ZNF850: variants seen among roughly 807,000 people sequenced by gnomAD.
The protein encoded by ZNF850 is zinc finger protein 850.
Under a neutral mutation model 11.9 loss-of-function variants are expected in ZNF850, and 2 were observed. That is an observed-to-expected ratio of 0.17 (90% CI 0.07 to 0.53). ZNF850 has a LOEUF of 0.53. ZNF850 is among the 20% of genes least tolerant of loss of function. The probability of loss-of-function intolerance (pLI) is 0.94; values close to 1 mark genes in which losing one functional copy is unlikely to be tolerated. For synonymous variants in ZNF850, 381 were observed against 443.0 expected, an observed-to-expected ratio of 0.86 and a Z score of 1.76; for missense variants, 1,014 against 1,316.4, an observed-to-expected ratio of 0.77 and a Z score of 3.55.
intron 1 of ZNF850, among the ~76,000 whole-genome samples, chr19:36,762,969 C>T (rs1360681753): frequency 6.6e-6 from 1 of 151,966 alleles, no homozygotes; most frequent in African/African-American, 2.4e-5. Context: ...CAGCTCACTG[C>T]AGCCTCAACC....
chr19:36,746,128 C>G lies in ZNF850; in HGVS notation c.*1639G>C, dbSNP rs866077446. 8 of 152,216 alleles carry G rather than the reference C, an allele frequency of 5.3e-5. No homozygotes were observed. The highest frequency in any genetic ancestry group is 4.6e-4 in the Admixed American group (7 of 15,278). The allele number at this position is 152,216 out of a possible 1,614,324, so 9.4% of individuals were successfully genotyped here. A position where few individuals can be genotyped will look rare whatever the true frequency, so the allele number is the denominator to read the frequency against. ...TTCAAGAAGAAGTTGCTCTGGTTTACACGCCTCTGACGTAACCATGCAGTG... is the reference window on the plus strand; with the variant it reads ...TTCAAGAAGAAGTTGCTCTGGTTTAGACGCCTCTGACGTAACCATGCAGTG... On this transcript the variant is annotated 3_prime_UTR_variant, in exon 5 of 5. Coordinates refer to ENST00000591344, the MANE Select transcript of ZNF850 (RefSeq NM_001193552.2).
At chr19:36,755,618 T>C (rs2040481154) in intron 4 of ZNF850, among the ~76,000 whole-genome samples, 1 of 151,576 alleles carries the variant, frequency 6.6e-6, no homozygotes, top group Admixed American at 6.6e-5. Flanking sequence ...AAAACCTCTG[T>C]GGACGAAATC....
intron 4 of ZNF850, among the ~76,000 whole-genome samples, chr19:36,754,827 T>C (rs965381989): frequency 1.3e-5 from 2 of 152,084 alleles, no homozygotes. Context: ...AGTGCTGGGA[T>C]TACAGGCGTG....
chr19:36,755,348 A>G (rs1273816203), intron 4 of ZNF850, among the ~76,000 whole-genome samples: 1 of 151,942 alleles, frequency 6.6e-6, no homozygotes, highest in Non-Finnish European at 1.5e-5. Context: ...TGCCTCAGCC[A>G]TTTGAGTAGC....
chr19:36,766,310 G>A (rs978476036), intron 1 of ZNF850, among the ~76,000 whole-genome samples: 2 of 152,122 alleles, frequency 1.3e-5, no homozygotes, highest in African/African-American at 4.8e-5. Flanking sequence ...TAATGGGAAA[G>A]ATATGCAATA....
At position 36,745,653 on chromosome 19, in the gene ZNF850, G is replaced by T; in HGVS notation, c.*2114C>A. ...AGATCGTGCCATTGCACTCCAGCCTGGGCAACAAGAGCAAAACTCCATCTC... is the reference window on the plus strand; with the variant it reads ...AGATCGTGCCATTGCACTCCAGCCTTGGCAACAAGAGCAAAACTCCATCTC... On this transcript the variant is annotated 3_prime_UTR_variant, in exon 5 of 5. Transcript: ENST00000591344. The T allele has an allele frequency of 6.7e-6, 1 of 150,150 alleles. No homozygotes were observed. Among genetic ancestry groups the T allele is most frequent in the Non-Finnish European group, 1.5e-5 (1 of 68,120 alleles). 9.3% of individuals were successfully genotyped at this position (150,150 alleles called of 1,614,324 possible).
intron 1 of ZNF850, among the ~76,000 whole-genome samples, chr19:36,766,267 G>A (rs981421901): frequency 9.9e-5 from 15 of 151,934 alleles, no homozygotes; most frequent in African/African-American, 3.1e-4. Context: ...TGAAACAAAT[G>A]TCTTGTTGGT....
In ZNF850 at chr19:36,748,733, G is replaced by C; in HGVS notation, c.2307C>G (p.His769Gln). The C allele has an allele frequency of 6.5e-7, 1 of 1,541,666 alleles. No individual in the cohort carries two copies. The highest frequency in any genetic ancestry group is 8.7e-7 in the Non-Finnish European group (1 of 1,148,604). Reference sequence around the variant, plus strand: ...TTTGCTGATGTTGAATTAGTGTTGAGTGAGAAGTAAAAGATTTCCCACATT... The same window carrying C: ...TTTGCTGATGTTGAATTAGTGTTGACTGAGAAGTAAAAGATTTCCCACATT... ...CKECGKSFTS[H>Q]STLIQHQQIH... The change falls in exon 5 of 5, where the codon CAC becomes CAG. Residue 769 changes from histidine (H) to glutamine (Q), a missense_variant. This residue lies in a region of ZNF850 where 835 missense variants were observed against 1,022.0 expected (regional missense o/e 0.82). Coordinates refer to ENST00000591344, the MANE Select transcript of ZNF850 (RefSeq NM_001193552.2).
chr19:36,763,309 G>A (rs1459426771), intron 1 of ZNF850, among the ~76,000 whole-genome samples: 1 of 152,186 alleles, frequency 6.6e-6, no homozygotes, highest in African/African-American at 2.4e-5. Context: ...GGGAGGCCAA[G>A]GCGGATGGAT....
In ZNF850 at chr19:36,772,801, T is replaced by C. The variant is rs1235701391; in HGVS notation, c.-146A>G. 2.0e-5 allele frequency: 3 copies of C among 152,270 alleles called. No individual in the cohort carries two copies. Among genetic ancestry groups the C allele is most frequent in the African/African-American group, 7.2e-5 (3 of 41,424 alleles). 9.4% of individuals were successfully genotyped at this position (152,270 alleles called of 1,614,324 possible). The stretch of plus-strand genomic sequence containing the variant: ...ACTCCAAGGCGCGGCGGCAGCTAAA[T>C]CGGCACAGCAAACGGTCCCGCCACC... On this transcript the variant is annotated 5_prime_UTR_variant, in exon 1 of 5. Coordinates refer to ENST00000591344, the MANE Select transcript of ZNF850 (RefSeq NM_001193552.2).
intron 4 of ZNF850, among the ~76,000 whole-genome samples, chr19:36,754,015 T>G (rs1193541224): frequency 6.6e-6 from 1 of 151,510 alleles, no homozygotes; most frequent in Non-Finnish European, 1.5e-5. Flanking sequence ...TTAAAAAAAT[T>G]CAAACAGGCC....
intron 4 of ZNF850, among the ~76,000 whole-genome samples, chr19:36,759,314 A>C (rs1050621713): frequency 4.0e-5 from 6 of 151,880 alleles, no homozygotes; most frequent in Non-Finnish European, 7.4e-5. Flanking sequence ...TCTCTACAAA[A>C]AAAATTAGAA....
rs2040405046 is a variant in ZNF850 at position 36,745,266 on chromosome 19, A to AT, written c.*2500dup. 6.6e-6 allele frequency: 1 copy of AT among 152,190 alleles called. No homozygotes were observed. The highest frequency in any genetic ancestry group is 6.6e-5 in the Admixed American group (1 of 15,264). The allele number at this position is 152,190 out of a possible 1,614,324, so 9.4% of individuals were successfully genotyped here. On this transcript the variant is annotated 3_prime_UTR_variant, in exon 5 of 5. Transcript: ENST00000591344. The stretch of plus-strand genomic sequence containing the variant: ...CAGATATGTTTTAGAGAAGTGTTAA[A>AT]TTTTTTAAACGCAAGTGTAATTTAA...
chr19:36,755,155 T>C (rs978702425), intron 4 of ZNF850, among the ~76,000 whole-genome samples: 1 of 152,094 alleles, frequency 6.6e-6, no homozygotes, highest in African/African-American at 2.4e-5. Flanking sequence ...GAATAAAAAA[T>C]GGGAAAAGAA....
chr19:36,750,110 A>G lies in ZNF850; in HGVS notation c.930T>C (p.His310=), dbSNP rs1286376199. 1 of 1,538,044 alleles carries G rather than the reference A, an allele frequency of 6.5e-7. No individual in the cohort carries two copies. Among genetic ancestry groups the G allele is most frequent in the African/African-American group, 1.4e-5 (1 of 72,944 alleles). Residue 310 remains histidine, a synonymous_variant, in exon 5 of 5, where the codon CAT becomes CAC. Coordinates refer to ENST00000591344, the MANE Select transcript of ZNF850 (RefSeq NM_001193552.2). ...TAAAAGATTTTCCACATTGCTTACA[A>G]TGATAGGGTTTCTCACCAGTGTGAA... The part of the protein sequence containing the change: ...QQIHTGEKPY[H]CKQCGKSFTV...
chr19:36,772,534 C>A (rs748822819), intron 1 of ZNF850, among the ~76,000 whole-genome samples, 191 bp downstream of exon 1: 1 of 152,104 alleles, frequency 6.6e-6, no homozygotes, highest in Non-Finnish European at 1.5e-5. Context: ...GCACGCACAA[C>A]GAGGGTCGTC....
intron 1 of ZNF850, among the ~76,000 whole-genome samples, chr19:36,768,615 C>T (rs2040562326): frequency 6.6e-6 from 1 of 152,132 alleles, no homozygotes; most frequent in Non-Finnish European, 1.5e-5. Context: ...ATCTAGGGTT[C>T]TACCTTTTCT....
chr19:36,768,986 T>C (rs958513356), intron 1 of ZNF850, among the ~76,000 whole-genome samples: 1 of 134,326 alleles, frequency 7.4e-6, no homozygotes, highest in South Asian at 2.4e-4. Context: ...AAAGGCCGGG[T>C]GTGGTGGCTC....
intron 4 of ZNF850, among the ~76,000 whole-genome samples, chr19:36,754,722 A>ATTTTTTTTT (rs1484809382): frequency 6.6e-6 from 1 of 151,848 alleles, no homozygotes; most frequent in Non-Finnish European, 1.5e-5. Flanking sequence ...CGCCCGGCTA[A>ATTTTTTTTT]TTTTTTGTAT....
Sources: gnomAD v4.1 joint callset for allele counts (sites outside exome capture counted in the v4.1 genomes callset) on GRCh38, gnomAD v4.1.1 for gene constraint, gnomAD v4.1.1 regional missense constraint, MANE v1.5 for transcripts, NCBI Gene and HGNC (gene_info 2026-07-23, HGNC 2026-07-21) for gene names.